Variants in ATP12A observed in about 807,000 individuals in gnomAD.
ATP12A encodes the protein potassium-transporting ATPase alpha chain 2.
A neutral mutation model predicts 111.2 loss-of-function variants in ATP12A; 81 were observed. The observed-to-expected ratio is 0.73, with a 90% CI of 0.61 to 0.88. The LOEUF (loss-of-function observed/expected upper bound fraction) is 0.88. Ranked by LOEUF, ATP12A falls within the 40% of genes least tolerant of loss-of-function variation. ATP12A has a pLI of 0.00. For synonymous variants in ATP12A, 498 were observed against 499.8 expected, an observed-to-expected ratio of 1.00 and a Z score of 0.05; for missense variants, 1,196 against 1,313.1, an observed-to-expected ratio of 0.91 and a Z score of 1.38.
At chr13:24,708,010 G>A (rs556139688) in intron 17 of ATP12A, among the ~76,000 whole-genome samples, 6 of 152,080 alleles carry the variant, frequency 3.9e-5, no homozygotes, top group African/African-American at 1.2e-4. Context: ...AATGCCATTG[G>A]TCAGTTTCAG....
chr13:24,710,399 G>A (rs929230202), intron 19 of ATP12A, 61 bp from the exon 20 acceptor site: 1 of 1,594,790 alleles, frequency 6.3e-7, no homozygotes, highest in South Asian at 1.1e-5. Context: ...GAACTGCATT[G>A]GAATTTCCTA....
In ATP12A at chr13:24,690,441, A is replaced by G. The variant is rs761927861; in HGVS notation, c.650A>G (p.Asp217Gly). ...AAAGGAGGAGACCAGATCCCTGCAG[A>G]CATCAGGGTGCTGTCTTCTCAGGGG... ...EVKGGDQIPA[D>G]IRVLSSQGCR... The change falls in exon 6 of 23, where the codon GAC becomes GGC. Residue 217 changes from aspartate to glycine, a missense_variant. This residue lies in a region of ATP12A where 1,126 missense variants were observed against 1,228.5 expected (regional missense o/e 0.92). Coordinates refer to ENST00000381946, the MANE Select transcript of ATP12A (RefSeq NM_001676.7). The G allele has an allele frequency of 6.2e-7, 1 of 1,613,714 alleles. No individual in the cohort carries two copies. Among genetic ancestry groups the G allele is most frequent in the Non-Finnish European group, 8.5e-7 (1 of 1,179,930 alleles).
At chr13:24,711,174 C>A in intron 21 of ATP12A, 144 bp from the exon 22 acceptor site, 1 of 821,298 alleles carries the variant, frequency 1.2e-6, no homozygotes, top group Non-Finnish European at 1.9e-6. Flanking sequence ...AGGAGCTTTC[C>A]ACCTTTATTT....
Position 24,685,506 on chromosome 13 carries a change from C to A in ATP12A, c.228+133C>A. The A allele has an allele frequency of 1.2e-6, 1 of 822,086 alleles. No individual in the cohort carries two copies. The highest frequency in any genetic ancestry group is 2.0e-6 in the Non-Finnish European group (1 of 490,884). The allele number at this position is 822,086 out of a possible 1,614,324, so 50.9% of individuals were successfully genotyped here. ...AGGGGCCCCTGCAGCGCCTTTGAGA[C>A]TGCAGTTATTTGCATCTGGACACAG... On this transcript the variant is annotated intron_variant, in intron 3 of 22. Transcript: ENST00000381946. The surrounding 1 kb of genome is among the most constrained non-coding windows in gnomAD (Gnocchi z 5.5).
In ATP12A at chr13:24,711,757, C is replaced by A. The variant is rs1875984974; in HGVS notation, c.*235C>A. Reference sequence around the variant, plus strand: ...ATCTCCATCTCCTCATTAAAAAATACGTACATTTCGAGGTAATGGTATAGG... The same window carrying A: ...ATCTCCATCTCCTCATTAAAAAATAAGTACATTTCGAGGTAATGGTATAGG... On this transcript the variant is annotated 3_prime_UTR_variant, in exon 23 of 23. Transcript: ENST00000381946. 8.5e-6 allele frequency: 5 copies of A among 589,224 alleles called. No homozygotes were observed. The highest frequency in any genetic ancestry group is 1.5e-5 in the Non-Finnish European group (5 of 333,590). The allele number at this position is 589,224 out of a possible 1,614,324, so 36.5% of individuals were successfully genotyped here.
At position 24,700,670 on chromosome 13, in the gene ATP12A, T is replaced by A. The variant is rs1053119855; in HGVS notation, c.1706-77T>A. The stretch of plus-strand genomic sequence containing the variant: ...GGTAAAACAGCAGAGGACCAAGGTG[T>A]ATGAGCATGTTCTCCTCTTATTTTT... On this transcript the variant is annotated intron_variant, in intron 12 of 22. Coordinates refer to ENST00000381946, the MANE Select transcript of ATP12A (RefSeq NM_001676.7). 1.2e-5 allele frequency: 17 copies of A among 1,391,252 alleles called. No individual in the cohort carries two copies. In the African/African-American group the frequency reaches 2.1e-4, roughly 18 times the overall value. 86.2% of individuals were successfully genotyped at this position (1,391,252 alleles called of 1,614,324 possible).
At chr13:24,699,601 A>T (rs1875307940) in intron 12 of ATP12A, among the ~76,000 whole-genome samples, 1 of 152,238 alleles carries the variant, frequency 6.6e-6, no homozygotes, top group African/African-American at 2.4e-5. Flanking sequence ...TTTAAAAATG[A>T]TTAAGCTTCC....
Position 24,707,453 on chromosome 13 carries a change from A to G in ATP12A, c.2493+20A>G. 6.2e-7 allele frequency: 1 copy of G among 1,614,026 alleles called. No homozygotes were observed. The highest frequency in any genetic ancestry group is 8.5e-7 in the Non-Finnish European group (1 of 1,179,922). On this transcript the variant is annotated intron_variant, in intron 17 of 22. Transcript: ENST00000381946. ...GACATTGTAAGTGACACTGAAGGGA[A>G]CAGGCTGTGATGCCTGCCCCAGGGG...
At chr13:24,686,228 C>T (rs753957500) in intron 3 of ATP12A, among the ~76,000 whole-genome samples, 2 of 150,784 alleles carry the variant, frequency 1.3e-5, no homozygotes, top group African/African-American at 4.9e-5. Flanking sequence ...CACCTGAGGT[C>T]GGGAGTTTGA....
Position 24,692,499 on chromosome 13 carries a change from A to G in ATP12A, c.1139A>G (p.Glu380Gly). ...NCLVKNLEAV[E>G]TLGSTSIICS... is the part of the protein sequence containing the mutation. Reference sequence around the variant, plus strand: ...CTGGTGAAGAACCTGGAGGCTGTGGAGACCCTCGGCTCCACCTCCATCATC... The same window carrying G: ...CTGGTGAAGAACCTGGAGGCTGTGGGGACCCTCGGCTCCACCTCCATCATC... Residue 380 changes from glutamate to glycine, a missense_variant, in exon 9 of 23, where the codon GAG becomes GGG. Transcript: ENST00000381946. The G allele has an allele frequency of 1.2e-6, 2 of 1,614,206 alleles. No homozygotes were observed. Among genetic ancestry groups the G allele is most frequent in the Non-Finnish European group, 1.7e-6 (2 of 1,180,032 alleles).
intron 10 of ATP12A, among the ~76,000 whole-genome samples, chr13:24,693,578 A>C (rs1051348990): frequency 2.0e-5 from 3 of 152,156 alleles, no homozygotes; most frequent in Non-Finnish European, 4.4e-5. Context: ...TTCTTACCTC[A>C]ACTCCAACCC....
At chr13:24,700,349 C>T (rs1368374995) in intron 12 of ATP12A, among the ~76,000 whole-genome samples, 1 of 152,162 alleles carries the variant, frequency 6.6e-6, no homozygotes, top group Non-Finnish European at 1.5e-5. Flanking sequence ...CCCTCTCAAG[C>T]TTCACCTCAC....
chr13:24,693,936 A>T (rs1420202295), intron 10 of ATP12A, among the ~76,000 whole-genome samples: 1 of 152,138 alleles, frequency 6.6e-6, no homozygotes, highest in Admixed American at 6.5e-5. Flanking sequence ...CTCGAATGCC[A>T]CTAATTTCCC....
chr13:24,685,491 G>T lies in ATP12A; in HGVS notation c.228+118G>T. 2.0e-6 allele frequency: 2 copies of T among 1,005,802 alleles called. No homozygotes were observed. The highest frequency in any genetic ancestry group is 3.1e-6 in the Non-Finnish European group (2 of 640,190). The allele number at this position is 1,005,802 out of a possible 1,614,324, so 62.3% of individuals were successfully genotyped here. On this transcript the variant is annotated intron_variant, in intron 3 of 22. Transcript: ENST00000381946. This position sits in a 1 kb window ranked among gnomAD's most constrained non-coding sequence, Gnocchi z 5.5. ...GGCACCTTTAGGAGGAGGGGCCCCT[G>T]CAGCGCCTTTGAGACTGCAGTTATT...
chr13:24,711,212 T>A, intron 21 of ATP12A, 106 bp from the exon 22 acceptor site: 1 of 1,098,994 alleles, frequency 9.1e-7, no homozygotes, highest in Middle Eastern at 3.0e-4. Context: ...TTGTCGTTCT[T>A]TGCAGTAAAG....
intron 17 of ATP12A, 150 bp downstream of exon 17, chr13:24,707,583 C>A: frequency 9.2e-7 from 1 of 1,083,682 alleles, no homozygotes; most frequent in Non-Finnish European, 1.3e-6. Flanking sequence ...CTCACAGGTT[C>A]TCAGGTGGTG....
intron 12 of ATP12A, among the ~76,000 whole-genome samples, chr13:24,699,159 A>G (rs1233168673): frequency 6.6e-6 from 1 of 152,206 alleles, no homozygotes; most frequent in Admixed American, 6.5e-5. Flanking sequence ...AGCACAGGCC[A>G]ATCACAGAGG....
intron 12 of ATP12A, 130 bp downstream of exon 12, chr13:24,698,980 C>A: frequency 8.5e-7 from 1 of 1,176,268 alleles, no homozygotes. Flanking sequence ...ACATGATAAG[C>A]AGGATGGGAA....
chr13:24,694,065 C>G (rs1875021762), intron 10 of ATP12A, among the ~76,000 whole-genome samples: 1 of 152,154 alleles, frequency 6.6e-6, no homozygotes, highest in Admixed American at 6.5e-5. Context: ...CTTGCCACAC[C>G]CTCCACATCC....
Sources: allele counts gnomAD v4.1 joint callset (sites outside exome capture counted in the v4.1 genomes callset), GRCh38; gene constraint gnomAD v4.1.1; regional missense constraint gnomAD v4.1.1; non-coding constraint Gnocchi (gnomAD v3.1); transcripts MANE v1.5; gene names NCBI Gene and HGNC (gene_info 2026-07-23, HGNC 2026-07-21).